Variants in NAV2 observed in about 807,000 individuals in gnomAD.
NAV2 encodes the protein helicase, APC down-regulated 1.
Under a neutral mutation model 223.2 loss-of-function variants are expected in NAV2, and 54 were observed. The observed-to-expected ratio is 0.24, with a 90% confidence interval of 0.19 to 0.30. The LOEUF is 0.30. Ranked by LOEUF, NAV2 falls within the 10% of genes least tolerant of loss-of-function variation. The pLI is 1.00. For missense variants in NAV2, 2,806 were observed against 3,147.5 expected (o/e 0.89, Z 2.60); for synonymous variants, 1,279 against 1,239.3 (o/e 1.03, Z -0.67).
Position 20,045,064 on chromosome 11 carries a change from G to A in NAV2, c.3296G>A (p.Gly1099Asp), listed in dbSNP as rs1353109296. The change falls in exon 14 of 38, where the codon GGT becomes GAT. Residue 1099 changes from glycine (G) to aspartate (D), a missense_variant. Coordinates refer to ENST00000349880, the MANE Select transcript of NAV2 (RefSeq NM_145117.5). ...CCATCAGATGCAGGCCGGAGCAGTG[G>A]TGACGAATCCAAAAAGCCCCTCCCC... The part of the protein sequence containing the change: ...RSPSDAGRSS[G>D]DESKKPLPSS... 1 of 1,614,128 alleles carries A rather than the reference G, an allele frequency of 6.2e-7. No homozygotes were observed. The highest frequency in any genetic ancestry group is 1.1e-5 in the South Asian group (1 of 91,084).
At chr11:20,095,471 GGACCGCTGTTTTA>G (rs1363175137) in intron 29 of NAV2, among the ~76,000 whole-genome samples, 188 bp from the exon 30 acceptor site, 1 of 152,152 alleles carries the variant, frequency 6.6e-6, no homozygotes, top group Non-Finnish European at 1.5e-5. Flanking sequence ...CCTGACTCTT[GGACCGCTGTTTTA>G]GCAGTAAAGC....
chr11:19,441,290 AG>A (rs763681163), intron 1 of NAV2, among the ~76,000 whole-genome samples: 86 of 152,320 alleles, frequency 5.6e-4, no homozygotes, highest in Admixed American at 4.3e-3. Context: ...AAGGTCTCTC[AG>A]CCATGTTGGA....
intron 12 of NAV2, chr11:20,043,703 A>C (rs2057169038): frequency 3.1e-6 from 1 of 321,642 alleles, no homozygotes; most frequent in African/African-American, 2.1e-5. Flanking sequence ...CAGCCTCCTA[A>C]AATATTAGGA....
exon 1 of NAV2, chr11:19,350,875 A>T: frequency 7.0e-7 from 1 of 1,421,652 alleles, no homozygotes; most frequent in South Asian, 1.2e-5. Flanking sequence ...TGCATGCATC[A>T]CTTTTGTGTG....
chr11:19,576,775 C>T (rs1252321749), intron 1 of NAV2, among the ~76,000 whole-genome samples: 1 of 152,186 alleles, frequency 6.6e-6, no homozygotes, highest in Non-Finnish European at 1.5e-5. Context: ...CTGTGGGCTT[C>T]AGAAGGGAAC....
At chr11:20,017,581 T>C (rs577297171) in intron 11 of NAV2, among the ~76,000 whole-genome samples, 1 of 152,338 alleles carries the variant, frequency 6.6e-6, no homozygotes, top group East Asian at 1.9e-4. Context: ...GTCTCCTCCA[T>C]GTAAAGAGCT....
intron 1 of NAV2, among the ~76,000 whole-genome samples, chr11:19,463,277 C>A (rs932984582): frequency 2.0e-5 from 3 of 152,216 alleles, no homozygotes; most frequent in African/African-American, 7.2e-5. Context: ...TATCAAGCAC[C>A]TACTATGTTT....
intron 1 of NAV2, among the ~76,000 whole-genome samples, chr11:19,748,413 C>T (rs1171742717): frequency 6.6e-6 from 1 of 152,222 alleles, no homozygotes; most frequent in Non-Finnish European, 1.5e-5. Flanking sequence ...AGCCAGGCCA[C>T]TGGAAGTGTC....
chr11:19,355,040 G>A (rs1197728249), intron 1 of NAV2, among the ~76,000 whole-genome samples: 2 of 152,198 alleles, frequency 1.3e-5, no homozygotes, highest in Non-Finnish European at 2.9e-5. Context: ...TCTGCATAGA[G>A]AAATTCAATG....
At chr11:19,950,378 A>G (rs1481015727) in intron 10 of NAV2, among the ~76,000 whole-genome samples, 1 of 152,228 alleles carries the variant, frequency 6.6e-6, no homozygotes, top group African/African-American at 2.4e-5. Context: ...TCCCCATTTT[A>G]GAGATGAGGA....
intron 11 of NAV2, among the ~76,000 whole-genome samples, chr11:20,026,906 C>G (rs1591722987): frequency 6.6e-6 from 1 of 152,144 alleles, no homozygotes; most frequent in Non-Finnish European, 1.5e-5. Flanking sequence ...AACAACAGAG[C>G]CTGACACATA....
chr11:19,351,062 T>C, intron 1 of NAV2: 5 of 1,388,316 alleles, frequency 3.6e-6, no homozygotes, highest in Non-Finnish European at 3.8e-6. Context: ...GATTGGATTA[T>C]GGTGCTGATT....
chr11:19,855,555 G>A (rs910219449), intron 3 of NAV2, among the ~76,000 whole-genome samples: 1 of 152,168 alleles, frequency 6.6e-6, no homozygotes, highest in African/African-American at 2.4e-5. Context: ...TTGGATGTGA[G>A]GGCAGAACCT....
chr11:19,535,400 C>T (rs1215584318), intron 1 of NAV2, among the ~76,000 whole-genome samples: 1 of 152,128 alleles, frequency 6.6e-6, no homozygotes, highest in African/African-American at 2.4e-5. Flanking sequence ...AACTACAGCT[C>T]AGCCTGACCT....
intron 1 of NAV2, among the ~76,000 whole-genome samples, chr11:19,661,743 T>C (rs1409412648): frequency 6.6e-6 from 1 of 152,230 alleles, no homozygotes; most frequent in African/African-American, 2.4e-5. Flanking sequence ...TGACATTCAA[T>C]ACTCAGTGGA....
intron 10 of NAV2, 84 bp downstream of exon 10, chr11:19,949,164 T>A: frequency 6.9e-7 from 1 of 1,442,642 alleles, no homozygotes; most frequent in Middle Eastern, 2.6e-4. Flanking sequence ...TATTTGATTC[T>A]TCTGGAGGAG....
At chr11:19,965,629 C>G (rs186190880) in intron 10 of NAV2, among the ~76,000 whole-genome samples, 2 of 152,352 alleles carry the variant, frequency 1.3e-5, no homozygotes, top group East Asian at 1.9e-4. Flanking sequence ...TGAGAGAGAT[C>G]TTTCTAGAGC....
chr11:19,880,264 T>C (rs939379157), intron 5 of NAV2, 137 bp downstream of exon 5: 5 of 1,243,358 alleles, frequency 4.0e-6, no homozygotes, highest in Non-Finnish European at 5.5e-6. Flanking sequence ...AGTGGGAAAT[T>C]AGCATGGCCT....
At position 19,558,348 on chromosome 11, in the gene NAV2, C is replaced by T. The variant is rs557210001; in HGVS notation, c.75+207321C>T. Among the ~76,000 whole-genome samples the T allele has an allele frequency of 5.3e-4, 81 of 152,326 alleles. 1 individual carries two copies. Among genetic ancestry groups the T allele is most frequent in the Non-Finnish European group, 8.7e-4 (59 of 68,034 alleles). ...GCTGGATGAGCCAAGAGGGCTTCCT[C>T]AAATGCATGGCACCTCAGCTAAAGG... On this transcript the variant is annotated intron_variant, in intron 1 of 37. Coordinates refer to the NAV2 transcript ENST00000360655.
Sources: gnomAD v4.1 joint callset for allele counts (sites outside exome capture counted in the v4.1 genomes callset) on GRCh38, gnomAD v4.1.1 for gene constraint, MANE v1.5 for transcripts, NCBI Gene and HGNC (gene_info 2026-07-23, HGNC 2026-07-21) for gene names.